SPATA6: variants seen among roughly 807,000 people sequenced by gnomAD.
SPATA6 encodes spermatogenesis associated 6.
A neutral mutation model predicts 65.3 loss-of-function variants in SPATA6; 56 were observed. The ratio of observed to expected loss-of-function variants is 0.86; its 90% CI spans 0.69 to 1.07. SPATA6 has a LOEUF of 1.07. Ranked by LOEUF, SPATA6 falls within the 50% of genes least tolerant of loss-of-function variation. The pLI is 0.00. For missense variants in SPATA6, 590 were observed against 594.8 expected (o/e 0.99, Z 0.08); for synonymous variants, 199 against 213.2 (o/e 0.93, Z 0.58).
chr1:48,419,730 A>G (rs1476975951), intron 3 of SPATA6, among the ~76,000 whole-genome samples: 3 of 152,208 alleles, frequency 2.0e-5, no homozygotes, highest in Admixed American at 6.5e-5. Flanking sequence ...TGAAATGGGA[A>G]GTAATCATCT....
chr1:48,274,777 C>A, the SPATA6 span, among the ~76,000 whole-genome samples: 1 of 151,984 alleles, frequency 6.6e-6, no homozygotes, highest in Non-Finnish European at 1.5e-5. Flanking sequence ...GTAGCAGGAT[C>A]CCTCCAGCTT....
At chr1:48,322,337 A>G (rs1645622157) in intron 11 of SPATA6, among the ~76,000 whole-genome samples, 1 of 152,234 alleles carries the variant, frequency 6.6e-6, no homozygotes, top group Non-Finnish European at 1.5e-5. Flanking sequence ...CCTATATAAT[A>G]AATGGGGCTG....
chr1:48,291,655 G>T (rs1644768958), downstream of SPATA6, among the ~76,000 whole-genome samples: 1 of 152,170 alleles, frequency 6.6e-6, no homozygotes, highest in Admixed American at 6.5e-5. Flanking sequence ...CTGAGAACTT[G>T]CCCCAGGCTA....
chr1:48,341,476 C>A (rs1433589505), intron 11 of SPATA6, among the ~76,000 whole-genome samples: 1 of 152,168 alleles, frequency 6.6e-6, no homozygotes, highest in Non-Finnish European at 1.5e-5. Context: ...CACTAAGCAG[C>A]CATCTCAGCT....
At chr1:48,313,221 C>G (rs184758063) in intron 11 of SPATA6, among the ~76,000 whole-genome samples, 1 of 152,152 alleles carries the variant, frequency 6.6e-6, no homozygotes, top group Non-Finnish European at 1.5e-5. Context: ...TCGAGAAGAG[C>G]AACTCCAAGA....
chr1:48,364,958 C>T (rs759217886), intron 9 of SPATA6, among the ~76,000 whole-genome samples: 17 of 152,240 alleles, frequency 1.1e-4, no homozygotes, highest in African/African-American at 2.6e-4. Flanking sequence ...TTTAATCCAT[C>T]GTGAATTAGT....
intron 11 of SPATA6, among the ~76,000 whole-genome samples, chr1:48,322,357 G>A (rs574206398): frequency 3.2e-4 from 48 of 152,176 alleles, no homozygotes; most frequent in Middle Eastern, 6.8e-3. Flanking sequence ...GGGAAAACTG[G>A]CTAGCCATAT....
the SPATA6 span, among the ~76,000 whole-genome samples, chr1:48,277,083 C>T: frequency 6.7e-6 from 1 of 148,794 alleles, no homozygotes; most frequent in Non-Finnish European, 1.5e-5. Flanking sequence ...TTAGCAATGG[C>T]CTTCTTTGTT....
intron 2 of SPATA6, 133 bp downstream of exon 2, chr1:48,452,861 G>C: frequency 1.8e-6 from 2 of 1,115,150 alleles, no homozygotes; most frequent in Non-Finnish European, 2.4e-6. Context: ...CCAGGCTTAG[G>C]TTACAAATGT....
At chr1:48,303,300 A>G (rs1389205777) in intron 12 of SPATA6, among the ~76,000 whole-genome samples, 1 of 152,154 alleles carries the variant, frequency 6.6e-6, no homozygotes, top group African/African-American at 2.4e-5. Context: ...TCTTCTAGCT[A>G]TTGTGAAATA....
chr1:48,272,769 A>C, the SPATA6 span, among the ~76,000 whole-genome samples: 1 of 152,152 alleles, frequency 6.6e-6, no homozygotes, highest in East Asian at 1.9e-4. Flanking sequence ...ACTGATTTCC[A>C]TAACGGCTAT....
intron 8 of SPATA6, among the ~76,000 whole-genome samples, chr1:48,391,803 A>G (rs1302642216): frequency 1.3e-5 from 2 of 152,194 alleles, no homozygotes; most frequent in Non-Finnish European, 2.9e-5. Flanking sequence ...AAAAAGTTAT[A>G]CCAGAGAGTA....
the SPATA6 span, among the ~76,000 whole-genome samples, chr1:48,289,828 C>T: frequency 6.6e-6 from 1 of 152,134 alleles, no homozygotes; most frequent in East Asian, 1.9e-4. Flanking sequence ...ACAAACAAAG[C>T]CTCCAAGAAA....
intron 5 of SPATA6, among the ~76,000 whole-genome samples, chr1:48,404,781 GA>G (rs2147952914): frequency 6.6e-6 from 1 of 152,298 alleles, no homozygotes; most frequent in East Asian, 1.9e-4. Context: ...ATCTAGAAAT[GA>G]ATGTGGCTTA....
chr1:48,450,142 G>A (rs999359109), intron 3 of SPATA6, among the ~76,000 whole-genome samples: 1 of 151,946 alleles, frequency 6.6e-6, no homozygotes, highest in Non-Finnish European at 1.5e-5. Flanking sequence ...AGACTAACAT[G>A]GAAGTAATTG....
At chr1:48,373,738 G>A (rs568060615) in intron 9 of SPATA6, among the ~76,000 whole-genome samples, 11 of 152,298 alleles carry the variant, frequency 7.2e-5, no homozygotes, top group South Asian at 6.2e-4. Flanking sequence ...CTTACATGGC[G>A]GCAGCAAGAG....
chr1:48,313,028 G>C (rs1436871767), intron 11 of SPATA6, among the ~76,000 whole-genome samples: 1 of 152,196 alleles, frequency 6.6e-6, no homozygotes, highest in Non-Finnish European at 1.5e-5. Flanking sequence ...AAGCCTCCAA[G>C]AAATATGGGA....
chr1:48,302,751 T>C (rs536232563), intron 12 of SPATA6, among the ~76,000 whole-genome samples: 1 of 152,272 alleles, frequency 6.6e-6, no homozygotes, highest in Non-Finnish European at 1.5e-5. Flanking sequence ...TGCATAAACA[T>C]AATCTTCTAC....
intron 11 of SPATA6, among the ~76,000 whole-genome samples, chr1:48,317,960 C>T (rs750997696): frequency 1.3e-5 from 2 of 152,136 alleles, no homozygotes; most frequent in Non-Finnish European, 2.9e-5. Context: ...TTATACACCA[C>T]AACCAACTGG....
Sources: allele counts gnomAD v4.1 joint callset (sites outside exome capture counted in the v4.1 genomes callset), GRCh38; gene constraint gnomAD v4.1.1; transcripts MANE v1.5; gene names NCBI Gene and HGNC (gene_info 2026-07-23, HGNC 2026-07-21).